The following IVNS1ABP variants were observed in gnomAD, a reference collection of about 807,000 sequenced individuals.
The protein encoded by IVNS1ABP is influenza virus NS1A binding protein, also known as influenza virus NS1A-binding protein.
A neutral mutation model predicts 78.9 loss-of-function variants in IVNS1ABP; 25 were observed. The ratio of observed to expected loss-of-function variants is 0.32; its 90% confidence interval spans 0.23 to 0.44. IVNS1ABP has a LOEUF of 0.44. Among genes scored for constraint, IVNS1ABP ranks in the 20% least tolerant of loss-of-function variants. IVNS1ABP has a pLI of 1.00. For synonymous variants in IVNS1ABP, 241 were observed against 259.7 expected, an observed-to-expected ratio of 0.93 and a Z score of 0.69; for missense variants, 494 against 768.9, an observed-to-expected ratio of 0.64 and a Z score of 4.23.
Position 185,298,070 on chromosome 1 carries a change from C to T in IVNS1ABP, c.1894G>A (p.Glu632Lys). Reference sequence around the variant, plus strand: ...AAAATCTTTGTATAGGGGCTCCATTCATTTGACTCAAGGTTATAGACTTCC... The same window carrying T: ...AAAATCTTTGTATAGGGGCTCCATTTATTTGACTCAAGGTTATAGACTTCC... ...TVEVYNLESN[E>K]WSPYTKIFQF Residue 632 changes from glutamate to lysine, a missense_variant, in exon 15 of 15, where the codon GAA becomes AAA. By Grantham distance (56) the Glu-to-Lys change is moderately conservative. Transcript: ENST00000367498. The surrounding 1 kb of genome is among the most constrained non-coding windows in gnomAD (Gnocchi z 4.1). 1 of 1,613,608 alleles carries T rather than the reference C, an allele frequency of 6.2e-7. No homozygotes were observed. Among genetic ancestry groups the T allele is most frequent in the Non-Finnish European group, 8.5e-7 (1 of 1,179,720 alleles).
chr1:185,300,191 A>G (rs765498551), intron 12 of IVNS1ABP, 26 bp downstream of exon 12: 42 of 1,609,804 alleles, frequency 2.6e-5, no homozygotes, highest in Non-Finnish European at 3.6e-5. Context: ...TAAATACTGG[A>G]TATCTCAGGA....
intron 14 of IVNS1ABP, 23 bp downstream of exon 14, chr1:185,299,687 C>T (rs778142344): frequency 4.3e-6 from 7 of 1,612,142 alleles, no homozygotes; most frequent in Non-Finnish European, 5.9e-6. Flanking sequence ...CTACTCTTCA[C>T]CTCTCCAAAT....
At chr1:185,307,729 G>C (rs931438779) in intron 5 of IVNS1ABP, 67 bp from the exon 6 acceptor site, 1 of 1,475,036 alleles carries the variant, frequency 6.8e-7, no homozygotes, top group South Asian at 1.2e-5. Context: ...TTAATGTTCA[G>C]TGTGGTAAAG....
intron 5 of IVNS1ABP, among the ~76,000 whole-genome samples, chr1:185,308,296 G>T (rs1665792269): frequency 6.6e-6 from 1 of 152,150 alleles, no homozygotes; most frequent in South Asian, 2.1e-4. Flanking sequence ...TAGACCATAT[G>T]TAAATGAACA....
At chr1:185,299,497 CTG>C in intron 14 of IVNS1ABP, 1 of 571,650 alleles carries the variant, frequency 1.7e-6, no homozygotes, top group Middle Eastern at 4.8e-4. Context: ...CATCAAAAGA[CTG>C]GTGAATTAAG....
intron 1 of IVNS1ABP, among the ~76,000 whole-genome samples, chr1:185,314,905 T>A (rs1665975352): frequency 6.6e-6 from 1 of 152,228 alleles, no homozygotes; most frequent in South Asian, 2.1e-4. Context: ...GTTCTAATGC[T>A]GAGGTATCTG....
At chr1:185,315,810 G>A (rs1160636900) in intron 1 of IVNS1ABP, among the ~76,000 whole-genome samples, 1 of 152,184 alleles carries the variant, frequency 6.6e-6, no homozygotes, top group Non-Finnish European at 1.5e-5. Flanking sequence ...TCTGTTAAGA[G>A]TGGTACTAGG....
rs774840040 is a variant in IVNS1ABP, at chr1:185,299,999, G to T, written c.1501C>A (p.Arg501=). 6 of 1,603,422 alleles carry T rather than the reference G, an allele frequency of 3.7e-6. No individual in the cohort carries two copies. The highest frequency in any genetic ancestry group is 5.1e-6 in the Non-Finnish European group (6 of 1,177,066). Residue 501 remains arginine (R), a splice_region_variant and synonymous_variant, in exon 13 of 15, where the codon CGG becomes AGG. Coordinates refer to ENST00000367498, the MANE Select transcript of IVNS1ABP (RefSeq NM_006469.5). ...AAAAAAGGAAAAAAAATCAACTTACGAATGTTAAGAGGGGCACAGCTTGTC... is the reference window on the plus strand; with the variant it reads ...AAAAAAGGAAAAAAAATCAACTTACTAATGTTAAGAGGGGCACAGCTTGTC... ...LWTSCAPLNI[R]RHQSAVCELG... is the part of the protein sequence containing the mutation.
chr1:185,300,834 C>T, intron 10 of IVNS1ABP, 138 bp downstream of exon 10: 1 of 705,986 alleles, frequency 1.4e-6, no homozygotes, highest in Non-Finnish European at 2.4e-6. Context: ...GAAGGTTAGC[C>T]ATATTCAATA....
In IVNS1ABP at chr1:185,307,109, A is replaced by G. The variant is rs1446382659; in HGVS notation, c.562T>C (p.Leu188=). The change falls in exon 7 of 15, where the codon TTG becomes CTG. Residue 188 remains leucine (L), a synonymous_variant. Coordinates refer to ENST00000367498, the MANE Select transcript of IVNS1ABP (RefSeq NM_006469.5). ...LEVMLEDNVC[L]PSNGKLYTKV... ...GTATATAATTTGCCATTGCTGGGCA[A>G]GCAAACATTATCTTCAAGCATTACC... The G allele has an allele frequency of 5.6e-6, 9 of 1,613,382 alleles. No individual in the cohort carries two copies. The highest frequency in any genetic ancestry group is 7.6e-6 in the Non-Finnish European group (9 of 1,179,568).
At position 185,305,474 on chromosome 1, in the gene IVNS1ABP, A is replaced by G. The variant is rs1665716813; in HGVS notation, c.765+62T>C. The G allele has an allele frequency of 5.7e-6, 9 of 1,580,076 alleles. No individual in the cohort carries two copies. Among genetic ancestry groups the G allele is most frequent in the African/African-American group, 2.7e-5 (2 of 74,088 alleles). ...TCCTTTATTAAAGGAAAATTTAAGT[A>G]TGCTATCAAATTCTCTAGTCAAATT... On this transcript the variant is annotated intron_variant, in intron 8 of 14. Coordinates refer to ENST00000367498, the MANE Select transcript of IVNS1ABP (RefSeq NM_006469.5). The surrounding 1 kb of genome is among the most constrained non-coding windows in gnomAD (Gnocchi z 4.0).
chr1:185,298,169 C>T lies in IVNS1ABP; in HGVS notation c.1795G>A (p.Ala599Thr). The change falls in exon 15 of 15, where the codon GCT becomes ACT. Residue 599 changes from alanine (A) to threonine (T), a missense_variant. Physicochemically the swap from Ala to Thr is moderately conservative, Grantham distance 58 (BLOSUM62 0). Transcript: ENST00000367498. The surrounding 1 kb of genome is among the most constrained non-coding windows in gnomAD (Gnocchi z 4.1). ...GTGTTCCCTACAGTTGCAATCCCAG[C>T]ATTGCTCCTTGGTGAAGTCATATTT... is the stretch of plus-strand genomic sequence containing the variant. ...MGNMTSPRSN[A>T]GIATVGNTIY... 1 of 1,613,846 alleles carries T rather than the reference C, an allele frequency of 6.2e-7. No individual in the cohort carries two copies. The highest frequency in any genetic ancestry group is 8.5e-7 in the Non-Finnish European group (1 of 1,179,814).
rs1166682552 is a variant in IVNS1ABP at position 185,299,688 on chromosome 1, C to T, written c.1675+22G>A. ...AGTCTTGCCACTATCTACTCTTCAC[C>T]TCTCCAAATCCCAACACTCACCATT... On this transcript the variant is annotated intron_variant, in intron 14 of 14. Coordinates refer to ENST00000367498, the MANE Select transcript of IVNS1ABP (RefSeq NM_006469.5). 23 of 1,612,172 alleles carry T rather than the reference C, an allele frequency of 1.4e-5. No individual in the cohort carries two copies. The East Asian group carries it at 4.7e-4, about 33-fold the overall frequency.
Position 185,307,608 on chromosome 1 carries a change from G to A in IVNS1ABP, c.412C>T (p.Arg138Ter), listed in dbSNP as rs138853956. 8 of 1,613,366 alleles carry A rather than the reference G, an allele frequency of 5.0e-6. No individual in the cohort carries two copies. Among genetic ancestry groups the A allele is most frequent in the African/African-American group, 2.7e-5 (2 of 74,816 alleles). Reference protein sequence around the residue: ...RMDVTSCISYRNFASCMGDSR... With the variant: ...RMDVTSCISY Reference sequence around the variant, plus strand: ...TCTCCCATACAACTTGCAAAATTTCGGTAAGAGATGCAGCTGGTAACATCC... The same window carrying A: ...TCTCCCATACAACTTGCAAAATTTCAGTAAGAGATGCAGCTGGTAACATCC... The change falls in exon 6 of 15, where the codon CGA becomes TGA. Residue 138 changes from arginine (R) to a stop codon, truncating the protein, a stop_gained. Transcript: ENST00000367498. LOFTEE classifies it high-confidence loss of function.
intron 10 of IVNS1ABP, 92 bp from the exon 11 acceptor site, chr1:185,300,650 G>A: frequency 3.0e-6 from 4 of 1,340,594 alleles, no homozygotes; most frequent in Middle Eastern, 2.2e-4. Context: ...TCTGCACAAT[G>A]AGAAAAAGTA....
intron 10 of IVNS1ABP, 183 bp downstream of exon 10, chr1:185,300,789 T>C: frequency 1.5e-6 from 1 of 685,864 alleles, no homozygotes; most frequent in South Asian, 2.0e-5. Context: ...AGCCATGACA[T>C]AATTTTTTTA....
chr1:185,302,366 A>G, intron 8 of IVNS1ABP, among the ~76,000 whole-genome samples: 1 of 152,140 alleles, frequency 6.6e-6, no homozygotes, highest in East Asian at 1.9e-4. Flanking sequence ...AGCCTTTGCC[A>G]CTTCCAAAGG....
At chr1:185,308,268 T>C (rs566318206) in intron 5 of IVNS1ABP, among the ~76,000 whole-genome samples, 1 of 152,300 alleles carries the variant, frequency 6.6e-6, no homozygotes, top group East Asian at 1.9e-4. Context: ...ATTCCGTCAC[T>C]GTAGCTGGAA....
Position 185,301,600 on chromosome 1 carries a change from A to G in IVNS1ABP, c.766-37T>C, listed in dbSNP as rs768670219. The G allele has an allele frequency of 5.6e-6, 9 of 1,611,092 alleles. No individual in the cohort carries two copies. In the South Asian group the frequency reaches 9.9e-5, roughly 18 times the overall value. Reference sequence around the variant, plus strand: ...AAAGGTAGCTACAGAAACCTAGCCAAAGACCACATCTGATGTACCTTTGTT... The same window carrying G: ...AAAGGTAGCTACAGAAACCTAGCCAGAGACCACATCTGATGTACCTTTGTT... On this transcript the variant is annotated intron_variant, in intron 8 of 14. Transcript: ENST00000367498.
Sources: gnomAD v4.1 joint callset for allele counts (sites outside exome capture counted in the v4.1 genomes callset) on GRCh38, gnomAD v4.1.1 for gene constraint, Gnocchi (gnomAD v3.1) non-coding constraint, MANE v1.5 for transcripts, NCBI Gene and HGNC (gene_info 2026-07-23, HGNC 2026-07-21) for gene names.